The following THSD4 variants were observed in gnomAD, a reference collection of about 807,000 sequenced individuals.
THSD4 encodes the protein thrombospondin type-1 domain-containing protein 4.
A neutral mutation model predicts 119.0 loss-of-function variants in THSD4; 69 were observed. The ratio of observed to expected loss-of-function variants is 0.58; its 90% CI spans 0.48 to 0.71. The LOEUF is 0.71. Ranked by LOEUF, THSD4 falls within the 30% of genes least tolerant of loss-of-function variation. The probability of loss-of-function intolerance (pLI) is 0.00; values close to 1 mark genes in which losing one functional copy is unlikely to be tolerated. For synonymous variants in THSD4, 524 were observed against 540.4 expected, an observed-to-expected ratio of 0.97 and a Z score of 0.42; for missense variants, 1,393 against 1,391.1, an observed-to-expected ratio of 1.00 and a Z score of -0.02.
chr15:71,577,516 A>G (rs2049472603), intron 7 of THSD4, among the ~76,000 whole-genome samples: 1 of 152,122 alleles, frequency 6.6e-6, no homozygotes, highest in Admixed American at 6.5e-5. Context: ...GCTGGAAATA[A>G]ATTTGGTATA....
At chr15:71,509,015 T>C (rs763087270) in intron 7 of THSD4, among the ~76,000 whole-genome samples, 3 of 151,408 alleles carry the variant, frequency 2.0e-5, no homozygotes, top group Non-Finnish European at 4.4e-5. Flanking sequence ...TACCGAGTTG[T>C]AGGAACTGGG....
intron 7 of THSD4, among the ~76,000 whole-genome samples, chr15:71,584,079 G>C (rs1018046090): frequency 2.0e-5 from 3 of 151,936 alleles, no homozygotes; most frequent in Admixed American, 6.6e-5. Context: ...CTCCAATGTT[G>C]GGTGTGTATG....
At chr15:71,631,863 A>T (rs1830418451) in intron 7 of THSD4, among the ~76,000 whole-genome samples, 1 of 152,168 alleles carries the variant, frequency 6.6e-6, no homozygotes, top group African/African-American at 2.4e-5. Flanking sequence ...CGGTTCAGGG[A>T]ACTATCATTC....
At chr15:71,268,203 A>G (rs1364142839) in intron 6 of THSD4, among the ~76,000 whole-genome samples, 3 of 152,142 alleles carry the variant, frequency 2.0e-5, no homozygotes, top group Non-Finnish European at 4.4e-5. Flanking sequence ...TGACCACATA[A>G]TTGGAAGTAA....
intron 1 of THSD4, among the ~76,000 whole-genome samples, chr15:71,103,177 A>G (rs2040260564): frequency 1.3e-5 from 2 of 151,752 alleles, no homozygotes; most frequent in Non-Finnish European, 2.9e-5. Context: ...AGGAAATGAA[A>G]CAGATTATAT....
chr15:71,173,398 C>T (rs534619170), intron 3 of THSD4, among the ~76,000 whole-genome samples: 2 of 151,920 alleles, frequency 1.3e-5, no homozygotes, highest in Admixed American at 1.3e-4. Flanking sequence ...AAAGATATCC[C>T]ATGTTCATGA....
chr15:71,385,080 G>A (rs368957371), intron 6 of THSD4, among the ~76,000 whole-genome samples: 1 of 152,096 alleles, frequency 6.6e-6, no homozygotes, highest in Non-Finnish European at 1.5e-5. Flanking sequence ...AGACATCTGA[G>A]GCCTATAGCT....
chr15:71,344,750 T>A (rs2045632177), intron 6 of THSD4, among the ~76,000 whole-genome samples: 1 of 152,192 alleles, frequency 6.6e-6, no homozygotes, highest in South Asian at 2.1e-4. Flanking sequence ...TCATGAGCAT[T>A]CACAAAGATT....
Position 71,618,569 on chromosome 15 carries a change from C to T in THSD4, c.1153-41961C>T, listed in dbSNP as rs573501012. ...AATGGGGATGGTGCAACAAAAGGTTCTTCAACATTATTTTATTATTAAGAG... is the reference window on the plus strand; with the variant it reads ...AATGGGGATGGTGCAACAAAAGGTTTTTCAACATTATTTTATTATTAAGAG... On this transcript the variant is annotated intron_variant, in intron 7 of 17. Transcript: ENST00000261862. Among the ~76,000 whole-genome samples the T allele has an allele frequency of 5.0e-4, 76 of 152,286 alleles. No individual in the cohort carries two copies. In the South Asian group the frequency reaches 6.0e-3, roughly 12 times the overall value.
rs183113660 is a variant in THSD4 at position 71,658,869 on chromosome 15, A to G, written c.1153-1661A>G. Among the ~76,000 whole-genome samples the G allele has an allele frequency of 2.0e-4, 31 of 152,328 alleles. 1 individual carries two copies. The highest frequency in any genetic ancestry group is 1.2e-3 in the Admixed American group (19 of 15,312). On this transcript the variant is annotated intron_variant, in intron 7 of 17. Transcript: ENST00000261862. ...GAGACCAGTCATTATTGATGGGTCAATGTGCGCTTGGGAATATGGAAGCAA... is the reference window on the plus strand; with the variant it reads ...GAGACCAGTCATTATTGATGGGTCAGTGTGCGCTTGGGAATATGGAAGCAA...
chr15:71,472,487 C>A (rs1474500909), intron 7 of THSD4, among the ~76,000 whole-genome samples: 1 of 152,124 alleles, frequency 6.6e-6, no homozygotes, highest in East Asian at 1.9e-4. Context: ...TCCCTGCAAG[C>A]CTTTAATTGT....
At chr15:71,157,391 A>G (rs1440921475) in intron 3 of THSD4, among the ~76,000 whole-genome samples, 2 of 152,220 alleles carry the variant, frequency 1.3e-5, no homozygotes, top group East Asian at 3.8e-4. Context: ...TATGTATTAT[A>G]TAATGATCAA....
intron 6 of THSD4, among the ~76,000 whole-genome samples, chr15:71,326,700 A>AAAAAAAATATATATATATATAT (rs1555464320): frequency 1.5e-4 from 1 of 6,452 alleles, no homozygotes; most frequent in African/African-American, 3.4e-4. Context: ...AAAAAAAAAA[A>AAAAAAAATATATATATATATAT]ATATATATAT....
chr15:71,607,851 T>C (rs62022826), intron 7 of THSD4, among the ~76,000 whole-genome samples: 45,467 of 152,054 alleles, frequency 0.3, 7,546 homozygotes, highest in Non-Finnish European at 0.37. Context: ...ACTCATGTGT[T>C]ATGTGCCTGC....
At chr15:71,361,975 A>G (rs2045897237) in intron 6 of THSD4, among the ~76,000 whole-genome samples, 1 of 152,250 alleles carries the variant, frequency 6.6e-6, no homozygotes, top group African/African-American at 2.4e-5. Flanking sequence ...AGAAATTTAT[A>G]TTATTCAAAA....
chr15:71,319,154 T>C (rs1458600850), intron 6 of THSD4, among the ~76,000 whole-genome samples: 2 of 152,164 alleles, frequency 1.3e-5, no homozygotes, highest in Non-Finnish European at 2.9e-5. Flanking sequence ...AAGCACACCA[T>C]AATCAGGACT....
At chr15:71,478,733 CTG>C (rs1222846254) in intron 7 of THSD4, among the ~76,000 whole-genome samples, 1 of 152,100 alleles carries the variant, frequency 6.6e-6, no homozygotes, top group Non-Finnish European at 1.5e-5. Context: ...ATATTGGGGA[CTG>C]TATTTCTGAT....
At chr15:71,299,976 AATATAT>A (rs1185451144) in intron 6 of THSD4, among the ~76,000 whole-genome samples, 29 of 48,302 alleles carry the variant, frequency 6.0e-4, no homozygotes, top group African/African-American at 1.9e-3. Context: ...AAAAAAAAAA[AATATAT>A]ATATATATAT....
intron 7 of THSD4, among the ~76,000 whole-genome samples, chr15:71,583,020 A>C (rs1447048192): frequency 6.6e-6 from 1 of 152,104 alleles, no homozygotes. Flanking sequence ...CCTTCTTTAA[A>C]GGTTTGGTAG....
Sources: gnomAD v4.1 joint callset for allele counts (sites outside exome capture counted in the v4.1 genomes callset) on GRCh38, gnomAD v4.1.1 for gene constraint, MANE v1.5 for transcripts, NCBI Gene and HGNC (gene_info 2026-07-23, HGNC 2026-07-21) for gene names.